The following PLEKHN1 variants were observed in gnomAD, a reference collection of about 807,000 sequenced individuals.
The protein encoded by PLEKHN1 is pleckstrin homology domain-containing family N member 1.
Under a neutral mutation model 72.8 loss-of-function variants are expected in PLEKHN1, and 68 were observed. That is an observed-to-expected ratio of 0.93 (90% CI 0.77 to 1.14). The LOEUF is 1.14. Among genes scored for constraint, PLEKHN1 ranks in the 50% most tolerant of loss-of-function variants. The probability of loss-of-function intolerance (pLI) is 0.00; values close to 1 mark genes in which losing one functional copy is unlikely to be tolerated. For synonymous variants in PLEKHN1, 454 were observed against 371.6 expected, an observed-to-expected ratio of 1.22 and a Z score of -2.55; for missense variants, 1,015 against 840.5, an observed-to-expected ratio of 1.21 and a Z score of -2.57.
At position 974,923 on chromosome 1, in the gene PLEKHN1, G is replaced by A. The variant is rs984928311; in HGVS notation, c.*348G>A. 3.1e-6 allele frequency: 1 copy of A among 318,378 alleles called. No individual in the cohort carries two copies. The highest frequency in any genetic ancestry group is 2.1e-5 in the African/African-American group (1 of 47,398). The allele number at this position is 318,378 out of a possible 1,614,324, so 19.7% of individuals were successfully genotyped here. On this transcript the variant is annotated 3_prime_UTR_variant, in exon 16 of 16. Coordinates refer to ENST00000379410, the MANE Select transcript of PLEKHN1 (RefSeq NM_032129.3). ...GGCAGCACGGGCGTGAAGGTCGGAG[G>A]ACAGAGAAAGGTCAGCAGGGTCAGA...
rs1327145489 is a variant in PLEKHN1 at position 966,510 on chromosome 1, G to A, written c.-22G>A. 7 of 1,582,784 alleles carry A rather than the reference G, an allele frequency of 4.4e-6. No individual in the cohort carries two copies. The highest frequency in any genetic ancestry group is 6.0e-6 in the Non-Finnish European group (7 of 1,157,712). ...AGGCTGTGGACAGGGACCCAGACTT[G>A]CCGACCTGTACGACTCTGGCCATGG... On this transcript the variant is annotated 5_prime_UTR_variant, in exon 1 of 16. Coordinates refer to ENST00000379410, the MANE Select transcript of PLEKHN1 (RefSeq NM_032129.3).
At chr1:969,178 ATTC>A (rs1342261911) in intron 2 of PLEKHN1, among the ~76,000 whole-genome samples, 2 of 152,248 alleles carry the variant, frequency 1.3e-5, no homozygotes, top group East Asian at 3.8e-4. Context: ...ACACCCCCAA[ATTC>A]TTCTAACAAG....
chr1:974,865 GGA>G lies in PLEKHN1; in HGVS notation c.*292_*293del, dbSNP rs1643532793. On this transcript the variant is annotated 3_prime_UTR_variant, in exon 16 of 16. Transcript: ENST00000379410. ...GGTCGGCCCTCAGCTCAGCCCGCCA[GGA>G]GTCAGGGAGGAGACTCGCTGGGAGT... is the stretch of plus-strand genomic sequence containing the variant. 3 of 448,926 alleles carry G rather than the reference GGA, an allele frequency of 6.7e-6. No individual in the cohort carries two copies. Among genetic ancestry groups the G allele is most frequent in the Non-Finnish European group, 8.1e-6 (2 of 247,828 alleles). 27.8% of individuals were successfully genotyped at this position (448,926 alleles called of 1,614,324 possible).
rs1019773141 is a variant in PLEKHN1, at chr1:973,575, G to A, written c.1369G>A (p.Ala457Thr). The A allele has an allele frequency of 6.2e-7, 1 of 1,613,202 alleles. No individual in the cohort carries two copies. The highest frequency in any genetic ancestry group is 8.5e-7 in the Non-Finnish European group (1 of 1,179,944). ...TSETSHSPLY[A>T]DPYTPPATSH... Reference sequence around the variant, plus strand: ...GGAAACATCACACTCGCCCCTCTATGCCGACCCCTACACACCACCCGCCAC... The same window carrying A: ...GGAAACATCACACTCGCCCCTCTATACCGACCCCTACACACCACCCGCCAC... Residue 457 changes from alanine (A) to threonine (T), a missense_variant, in exon 13 of 16, where the codon GCC becomes ACC. Physicochemically the swap from Ala to Thr is moderately conservative, Grantham distance 58. Transcript: ENST00000379410.
chr1:974,680 TGGG>T lies in PLEKHN1; in HGVS notation c.*109_*111del, dbSNP rs952069693. 1.5e-6 allele frequency: 2 copies of T among 1,338,774 alleles called. No individual in the cohort carries two copies. Among genetic ancestry groups the T allele is most frequent in the African/African-American group, 3.0e-5 (2 of 67,070 alleles). The allele number at this position is 1,338,774 out of a possible 1,614,324, so 82.9% of individuals were successfully genotyped here. A position where few individuals can be genotyped will look rare whatever the true frequency, so the allele number is the denominator to read the frequency against. ...AAGTCAGGGTCTGAACCCAGTGTGA[TGGG>T]GGGAGTCTCTGGGGCCCTGAGTTCA... is the stretch of plus-strand genomic sequence containing the variant. On this transcript the variant is annotated 3_prime_UTR_variant, in exon 16 of 16. Transcript: ENST00000379410.
At chr1:968,511 C>T (rs964481207) in intron 2 of PLEKHN1, among the ~76,000 whole-genome samples, 3 of 152,238 alleles carry the variant, frequency 2.0e-5, no homozygotes, top group African/African-American at 7.2e-5. Context: ...GTGATACCCA[C>T]AGCACATCCC....
Position 970,823 on chromosome 1 carries a change from C to A in PLEKHN1, c.485-56C>A. The A allele has an allele frequency of 6.2e-7, 1 of 1,612,664 alleles. No individual in the cohort carries two copies. Among genetic ancestry groups the A allele is most frequent in the South Asian group, 1.1e-5 (1 of 91,076 alleles). On this transcript the variant is annotated intron_variant, in intron 5 of 15. Transcript: ENST00000379410. The surrounding 1 kb of genome is among the most constrained non-coding windows in gnomAD (Gnocchi z 4.2). ...ACCCAGGACTTGGAGAGGGGCCTGC[C>A]CTGTGGCTGCGGAGCACGTGTGTGT...
Position 971,317 on chromosome 1 carries a change from C to A in PLEKHN1, c.709-7C>A. 1 of 1,568,542 alleles carries A rather than the reference C, an allele frequency of 6.4e-7. No homozygotes were observed. Among genetic ancestry groups the A allele is most frequent in the Non-Finnish European group, 8.6e-7 (1 of 1,157,028 alleles). On this transcript the variant is annotated splice_region_variant and splice_polypyrimidine_tract_variant and intron_variant, in intron 7 of 15. Transcript: ENST00000379410. ...CTCATCGCCTGACCCCACCCCCACC[C>A]ACCCAGGAGCAGTGGGACCGGCTCT...
At chr1:974,389 G>A (rs199747352) in intron 15 of PLEKHN1, 25 bp downstream of exon 15, 1 of 1,612,942 alleles carries the variant, frequency 6.2e-7, no homozygotes, top group Non-Finnish European at 8.5e-7. Context: ...TGCCTCCTGA[G>A]GTGAGTGCCT....
intron 10 of PLEKHN1, 131 bp downstream of exon 10, chr1:972,555 C>A: frequency 8.2e-7 from 1 of 1,216,334 alleles, no homozygotes; most frequent in Non-Finnish European, 1.1e-6. Flanking sequence ...CATTTGAGGT[C>A]AGGGGTTCGA....
In PLEKHN1 at chr1:970,625, G is replaced by T; in HGVS notation, c.411+24G>T. The T allele has an allele frequency of 6.2e-7, 1 of 1,608,682 alleles. No individual in the cohort carries two copies. Among genetic ancestry groups the T allele is most frequent in the Non-Finnish European group, 8.5e-7 (1 of 1,177,148 alleles). On this transcript the variant is annotated intron_variant, in intron 4 of 15. Transcript: ENST00000379410. The surrounding 1 kb of genome is among the most constrained non-coding windows in gnomAD (Gnocchi z 4.2). Reference sequence around the variant, plus strand: ...AGGTGAGGCGGTGGGCAATGGGGTGGGGCCATGGCCGCCCTTCCCTCCATG... The same window carrying T: ...AGGTGAGGCGGTGGGCAATGGGGTGTGGCCATGGCCGCCCTTCCCTCCATG...
In PLEKHN1 at chr1:971,369, AT is replaced by A; in HGVS notation, c.758del (p.Phe253SerfsTer34). 2 of 1,559,136 alleles carry A rather than the reference AT, an allele frequency of 1.3e-6. No individual in the cohort carries two copies. The highest frequency in any genetic ancestry group is 1.2e-5 in the South Asian group (1 of 86,932). The part of the protein sequence containing the change: ...LLVLYPTSLA[I>X]FSEELDGLCF... ...GGTCCTGTACCCAACGTCCTTGGCC[AT>A]TTTCTCCGAGGAGCTGGACGGGCTT... On this transcript the variant is annotated frameshift_variant, in exon 8 of 16. Coordinates refer to ENST00000379410, the MANE Select transcript of PLEKHN1 (RefSeq NM_032129.3). LOFTEE classifies it high-confidence loss of function.
chr1:974,735 T>G lies in PLEKHN1; in HGVS notation c.*160T>G. Reference sequence around the variant, plus strand: ...AGCCCGTCCCTCAGCTCCTGTTCCTTGGTGCCAGCAGCTGGGGCAGGGAAG... The same window carrying G: ...AGCCCGTCCCTCAGCTCCTGTTCCTGGGTGCCAGCAGCTGGGGCAGGGAAG... On this transcript the variant is annotated 3_prime_UTR_variant, in exon 16 of 16. Coordinates refer to ENST00000379410, the MANE Select transcript of PLEKHN1 (RefSeq NM_032129.3). 2.7e-4 allele frequency: 186 copies of G among 686,390 alleles called. No individual in the cohort carries two copies. The highest frequency in any genetic ancestry group is 9.2e-4 in the East Asian group (21 of 22,926). 42.5% of individuals were successfully genotyped at this position (686,390 alleles called of 1,614,324 possible). A position where few individuals can be genotyped will look rare whatever the true frequency, so the allele number is the denominator to read the frequency against.
At position 970,839 on chromosome 1, in the gene PLEKHN1, A is replaced by G. The variant is rs757658372; in HGVS notation, c.485-40A>G. 5.6e-6 allele frequency: 9 copies of G among 1,612,426 alleles called. No homozygotes were observed. The highest frequency in any genetic ancestry group is 7.6e-6 in the Non-Finnish European group (9 of 1,179,932). The stretch of plus-strand genomic sequence containing the variant: ...GGGGCCTGCCCTGTGGCTGCGGAGC[A>G]CGTGTGTGTATGTGTGTGCCCTCTC... On this transcript the variant is annotated intron_variant, in intron 5 of 15. Transcript: ENST00000379410. This position sits in a 1 kb window ranked among gnomAD's most constrained non-coding sequence, Gnocchi z 4.2.
chr1:971,086 G>A (rs372769099), intron 6 of PLEKHN1, 27 bp from the exon 7 acceptor site: 68 of 1,583,346 alleles, frequency 4.3e-5, no homozygotes, highest in African/African-American at 2.3e-4. Flanking sequence ...GGGGTCCTGC[G>A]GAGACGAACT....
chr1:968,397 C>T (rs1643118019), intron 2 of PLEKHN1, among the ~76,000 whole-genome samples: 1 of 152,254 alleles, frequency 6.6e-6, no homozygotes. Flanking sequence ...CCTTTTCTGA[C>T]TTCCAACCTG....
intron 2 of PLEKHN1, among the ~76,000 whole-genome samples, chr1:967,383 C>G (rs28416780): frequency 2.2e-5 from 3 of 135,490 alleles, no homozygotes; most frequent in African/African-American, 5.0e-5. Context: ...CCCACCCCCC[C>G]CCCAGCCCCT....
rs1294091765 is a variant in PLEKHN1, at chr1:974,787, G to A, written c.*212G>A. 3.0e-6 allele frequency: 2 copies of A among 660,352 alleles called. No individual in the cohort carries two copies. The highest frequency in any genetic ancestry group is 2.8e-5 in the East Asian group (1 of 35,382). 40.9% of individuals were successfully genotyped at this position (660,352 alleles called of 1,614,324 possible). A position where few individuals can be genotyped will look rare whatever the true frequency, so the allele number is the denominator to read the frequency against. ...GTGGGAGGGGCCCCATCCAAAGGAT[G>A]CCCTGGCCAGCGAGGCTGGGTCACA... On this transcript the variant is annotated 3_prime_UTR_variant, in exon 16 of 16. Transcript: ENST00000379410.
intron 8 of PLEKHN1, 50 bp from the exon 9 acceptor site, chr1:972,025 G>A (rs568341220): frequency 6.4e-7 from 1 of 1,570,622 alleles, no homozygotes; most frequent in African/African-American, 1.4e-5. Context: ...GCCAGGCGGG[G>A]CCCCGGGGCT....
Sources: allele counts gnomAD v4.1 joint callset (sites outside exome capture counted in the v4.1 genomes callset), GRCh38; gene constraint gnomAD v4.1.1; non-coding constraint Gnocchi (gnomAD v3.1); transcripts MANE v1.5; gene names NCBI Gene and HGNC (gene_info 2026-07-23, HGNC 2026-07-21).